Variants in MCF2 observed in about 807,000 individuals in gnomAD.
MCF2 encodes MCF.2 cell line derived transforming sequence, also known as proto-oncogene DBL.
A neutral mutation model predicts 82.5 loss-of-function variants in MCF2; 44 were observed. The ratio of observed to expected loss-of-function variants is 0.53; its 90% CI spans 0.42 to 0.69. MCF2 has a LOEUF of 0.69. Ranked by LOEUF, MCF2 falls within the 30% of genes least tolerant of loss-of-function variation. MCF2 has a pLI of 0.00. For missense variants in MCF2, 623 were observed against 663.1 expected (o/e 0.94, Z 0.66); for synonymous variants, 217 against 224.9 (o/e 0.96, Z 0.32).
At chrX:139,618,926 G>A (rs1465926913) in intron 7 of MCF2, among the ~76,000 whole-genome samples, 1 of 111,197 alleles carries the variant, frequency 9.0e-6, no homozygotes, top group Non-Finnish European at 1.9e-5. Flanking sequence ...ATTCACAATT[G>A]CTCTGCAAAG....
At chrX:139,691,779 G>T in intron 1 of MCF2, 1 of 511,450 alleles carries the variant, frequency 2.0e-6, no homozygotes, top group Non-Finnish European at 3.3e-6. Context: ...TGTATAGACT[G>T]GAAAATAAAG....
chrX:139,621,080 G>A (rs949040783), intron 6 of MCF2, among the ~76,000 whole-genome samples: 1 of 110,875 alleles, frequency 9.0e-6, no homozygotes, highest in Non-Finnish European at 1.9e-5. Flanking sequence ...CCAAATCAAC[G>A]AAAATAATCA....
chrX:139,593,577 C>A lies in MCF2; in HGVS notation c.2277+2972G>T, dbSNP rs1929728220. Among the ~76,000 whole-genome samples the A allele has an allele frequency of 7.2e-5, 8 of 110,721 alleles. No homozygotes were observed. The South Asian group carries it at 3.1e-3, about 43-fold the overall frequency. On this transcript the variant is annotated intron_variant, in intron 19 of 24. Transcript: ENST00000370576. ...CTGATACCAAAGCCGGGCAGAGACA[C>A]AACCAAAAAAGAGAATTTTAGACCA...
intron 19 of MCF2, among the ~76,000 whole-genome samples, chrX:139,593,796 T>C (rs768602836): frequency 9.0e-6 from 1 of 111,039 alleles, no homozygotes; most frequent in South Asian, 3.9e-4. Flanking sequence ...CACATGATTA[T>C]CTCAATAGAA....
intron 1 of MCF2, among the ~76,000 whole-genome samples, chrX:139,669,661 T>C (rs1934624672): frequency 8.9e-6 from 1 of 111,999 alleles, no homozygotes; most frequent in Non-Finnish European, 1.9e-5. Flanking sequence ...CCATTAACTG[T>C]AGAATGGGTA....
chrX:139,696,559 G>C (rs1412679268), intron 1 of MCF2, among the ~76,000 whole-genome samples: 1 of 111,122 alleles, frequency 9.0e-6, no homozygotes, highest in Non-Finnish European at 1.9e-5. Context: ...AAGTAGGTGA[G>C]ATTACAGTTG....
At chrX:139,673,044 G>C (rs1465055874) in intron 1 of MCF2, among the ~76,000 whole-genome samples, 1 of 111,789 alleles carries the variant, frequency 8.9e-6, no homozygotes, top group Non-Finnish European at 1.9e-5. Context: ...TTAGTCTTGG[G>C]AGGGTGTATG....
At chrX:139,619,393 G>A (rs1411727548) in intron 7 of MCF2, among the ~76,000 whole-genome samples, 194 bp downstream of exon 10, 1 of 110,077 alleles carries the variant, frequency 9.1e-6, no homozygotes, top group Admixed American at 9.7e-5. Flanking sequence ...ATACTGTTCG[G>A]GTGATGGGTG....
chrX:139,596,612 C>A, exon 19 of MCF2: 1 of 1,210,570 alleles, frequency 8.3e-7, no homozygotes, highest in Non-Finnish European at 1.1e-6. Flanking sequence ...TTTCAACACG[C>A]CTTTTGCAAA....
chrX:139,634,257 A>G (rs1415178866), intron 1 of MCF2, among the ~76,000 whole-genome samples: 1 of 112,121 alleles, frequency 8.9e-6, no homozygotes, highest in African/African-American at 3.2e-5. Context: ...GGCATATTAC[A>G]ATACTAGTAA....
intron 1 of MCF2, among the ~76,000 whole-genome samples, chrX:139,692,881 T>C (rs1312632357): frequency 1.8e-5 from 2 of 112,324 alleles, no homozygotes; most frequent in African/African-American, 3.2e-5. Flanking sequence ...TCTCAGTCTT[T>C]GGATATGCCA....
intron 1 of MCF2, among the ~76,000 whole-genome samples, chrX:139,638,815 C>G (rs1164964004): frequency 9.0e-6 from 1 of 111,386 alleles, no homozygotes; most frequent in Non-Finnish European, 1.9e-5. Context: ...CTGTGATTGC[C>G]GGCTATGAGA....
At chrX:139,632,504 A>C (rs756361323) in intron 1 of MCF2, 50 bp from the exon 5 acceptor site, 1 of 1,100,115 alleles carries the variant, frequency 9.1e-7, no homozygotes, top group South Asian at 2.2e-5. Flanking sequence ...GTCAACACAC[A>C]CTCAACTGAG....
At chrX:139,680,835 A>C (rs772018704) in intron 1 of MCF2, among the ~76,000 whole-genome samples, 4 of 112,612 alleles carry the variant, frequency 3.6e-5, no homozygotes, top group African/African-American at 1.3e-4. Flanking sequence ...CAACATCTGC[A>C]ATGGTAAATC....
chrX:139,593,313 A>G (rs1161390362), intron 19 of MCF2, among the ~76,000 whole-genome samples: 1 of 110,289 alleles, frequency 9.1e-6, no homozygotes, highest in Admixed American at 9.7e-5. Context: ...CAGTTTATCA[A>G]TTTTGTTGAT....
intron 15 of MCF2, 142 bp from the exon 20 acceptor site, chrX:139,602,640 C>T: frequency 4.7e-6 from 2 of 423,077 alleles, no homozygotes; most frequent in South Asian, 4.2e-5. Context: ...GGTCAAAAGC[C>T]TTTTTTATAT....
At chrX:139,596,046 G>T (rs1441602245) in intron 19 of MCF2, among the ~76,000 whole-genome samples, 1 of 111,765 alleles carries the variant, frequency 8.9e-6, no homozygotes, top group Non-Finnish European at 1.9e-5. Flanking sequence ...GAACACCCAG[G>T]TAGGGTGGAG....
chrX:139,651,152 G>C (rs1569384244), intron 2 of MCF2, among the ~76,000 whole-genome samples: 1 of 98,892 alleles, frequency 1.0e-5, no homozygotes, highest in African/African-American at 5.3e-5. Context: ...TAATGCCGCT[G>C]AACTGTACTC....
At position 139,610,356 on chromosome X, in the gene MCF2, A is replaced by G. The variant is rs777050752; in HGVS notation, c.1364-18T>C. On this transcript the variant is annotated intron_variant, in intron 10 of 24. Transcript: ENST00000370576. Reference sequence around the variant, plus strand: ...CTTCTTCCCTGGTAGAGAAATGTGAAAGAAGAATTTCAAACCAGAATTAAA... The same window carrying G: ...CTTCTTCCCTGGTAGAGAAATGTGAGAGAAGAATTTCAAACCAGAATTAAA... 3 of 1,138,782 alleles carry G rather than the reference A, an allele frequency of 2.6e-6. No homozygotes were observed. Among genetic ancestry groups the G allele is most frequent in the Non-Finnish European group, 3.6e-6 (3 of 839,671 alleles). The allele number at this position is 1,138,782 out of a possible 1,213,427, so 93.8% of individuals were successfully genotyped here. A position where few individuals can be genotyped will look rare whatever the true frequency, so the allele number is the denominator to read the frequency against.
Sources: allele counts gnomAD v4.1 joint callset (sites outside exome capture counted in the v4.1 genomes callset), GRCh38; gene constraint gnomAD v4.1.1; transcripts MANE v1.5; gene names NCBI Gene and HGNC (gene_info 2026-07-23, HGNC 2026-07-21).